The following PTPRN2 variants were observed in gnomAD, a reference collection of about 807,000 sequenced individuals.
The protein encoded by PTPRN2 is receptor-type tyrosine-protein phosphatase N2.
Under a neutral mutation model 118.8 loss-of-function variants are expected in PTPRN2, and 74 were observed. The ratio of observed to expected loss-of-function variants is 0.62; its 90% CI spans 0.52 to 0.76. The LOEUF is 0.76. PTPRN2 is among the 30% of genes least tolerant of loss of function. PTPRN2 has a pLI of 0.00. For synonymous variants in PTPRN2, 641 were observed against 608.0 expected, an observed-to-expected ratio of 1.05 and a Z score of -0.80; for missense variants, 1,481 against 1,394.4, an observed-to-expected ratio of 1.06 and a Z score of -0.99.
At chr7:158,297,138 G>A (rs1800559602) in intron 3 of PTPRN2, among the ~76,000 whole-genome samples, 1 of 152,248 alleles carries the variant, frequency 6.6e-6, no homozygotes, top group South Asian at 2.1e-4. Context: ...GGAGGGACCA[G>A]CACAGCACAT....
At chr7:158,292,284 C>T (rs1289956371) in intron 3 of PTPRN2, among the ~76,000 whole-genome samples, 1 of 152,186 alleles carries the variant, frequency 6.6e-6, no homozygotes, top group Non-Finnish European at 1.5e-5. Flanking sequence ...TGCCCCTATT[C>T]CAGGATGTTC....
At chr7:157,577,956 G>C in intron 18 of PTPRN2, 65 bp downstream of exon 18, 1 of 1,475,570 alleles carries the variant, frequency 6.8e-7, no homozygotes, top group Non-Finnish European at 9.1e-7. Context: ...CCCATTCGGA[G>C]GAGGAGCAGG....
chr7:158,389,995 ACG>A (rs1265018318), intron 2 of PTPRN2, among the ~76,000 whole-genome samples: 2 of 152,194 alleles, frequency 1.3e-5, no homozygotes, highest in Non-Finnish European at 2.9e-5. Flanking sequence ...CTCTGTAATG[ACG>A]CTGTTCACAT....
chr7:158,118,009 T>C lies in PTPRN2; in HGVS notation c.1557-7094A>G, dbSNP rs995855666. Among the ~76,000 whole-genome samples the C allele has an allele frequency of 2.6e-4, 40 of 152,166 alleles. 1 individual carries two copies. The highest frequency in any genetic ancestry group is 2.6e-3 in the Admixed American group (40 of 15,278). ...TAAAATCTCAATAAAGGCAAATATATGGTGAATTATAAAATATAGTATTAT... is the reference window on the plus strand; with the variant it reads ...TAAAATCTCAATAAAGGCAAATATACGGTGAATTATAAAATATAGTATTAT... On this transcript the variant is annotated intron_variant, in intron 9 of 22. Coordinates refer to ENST00000389418, the MANE Select transcript of PTPRN2 (RefSeq NM_002847.5).
At chr7:157,786,459 A>G (rs957504369) in intron 12 of PTPRN2, among the ~76,000 whole-genome samples, 2 of 152,216 alleles carry the variant, frequency 1.3e-5, no homozygotes, top group Non-Finnish European at 2.9e-5. Context: ...TCCCATTCAC[A>G]AAGCACTCCT....
At position 158,343,580 on chromosome 7, in the gene PTPRN2, G is replaced by A. The variant is rs143323001; in HGVS notation, c.164-26648C>T. The stretch of plus-strand genomic sequence containing the variant: ...CCCAATACCTGCAAGCAGGGCTCGC[G>A]CAGAGGCTCAGGCAGCCATGCTGGT... On this transcript the variant is annotated intron_variant, in intron 2 of 22. Coordinates refer to ENST00000389418, the MANE Select transcript of PTPRN2 (RefSeq NM_002847.5). Among the ~76,000 whole-genome samples, 295 of 149,258 alleles carry A rather than the reference G, an allele frequency of 2.0e-3. 3 individuals are homozygous for A. Among genetic ancestry groups the A allele is most frequent in the Admixed American group, 3.6e-3 (55 of 15,090 alleles).
At chr7:157,735,076 T>G (rs968031567) in intron 12 of PTPRN2, among the ~76,000 whole-genome samples, 1 of 152,196 alleles carries the variant, frequency 6.6e-6, no homozygotes, top group Admixed American at 6.5e-5. Context: ...CCTGGCCTGG[T>G]GGACCTGTCT....
At chr7:157,905,887 C>T (rs999401437) in intron 11 of PTPRN2, among the ~76,000 whole-genome samples, 1 of 152,170 alleles carries the variant, frequency 6.6e-6, no homozygotes, top group African/African-American at 2.4e-5. Flanking sequence ...ATCCTCCTCC[C>T]TTATGGGGTG....
intron 11 of PTPRN2, among the ~76,000 whole-genome samples, chr7:158,056,884 G>T (rs1809832072): frequency 6.6e-6 from 1 of 152,202 alleles, no homozygotes; most frequent in African/African-American, 2.4e-5. Context: ...GTGGAAGCAG[G>T]TGCAGCTGTG....
chr7:158,146,694 C>A lies in PTPRN2; in HGVS notation c.911-8179G>T, dbSNP rs200880707. On this transcript the variant is annotated intron_variant, in intron 6 of 22. Coordinates refer to ENST00000389418, the MANE Select transcript of PTPRN2 (RefSeq NM_002847.5). Reference sequence around the variant, plus strand: ...TGAGATCGCGCCACTGCACTCCAGCCTGGGCGACAGAGCGAGACTCTGCCT... The same window carrying A: ...TGAGATCGCGCCACTGCACTCCAGCATGGGCGACAGAGCGAGACTCTGCCT... 2.2e-3 allele frequency among the ~76,000 whole-genome samples: 320 copies of A among 145,224 alleles called. 9 individuals carry two copies. Among genetic ancestry groups the A allele is most frequent in the African/African-American group, 7.6e-3 (294 of 38,454 alleles).
chr7:158,135,068 C>T (rs1349463178), intron 8 of PTPRN2, among the ~76,000 whole-genome samples: 2 of 152,132 alleles, frequency 1.3e-5, no homozygotes, highest in Non-Finnish European at 2.9e-5. Flanking sequence ...AGGCAACCCA[C>T]GGACACCTCC....
Position 157,893,367 on chromosome 7 carries a change from C to T in PTPRN2, c.1788+5306G>A, listed in dbSNP as rs1422645091. Reference sequence around the variant, plus strand: ...GGTGAGCTCCTGCCTCTGCCCTCAGCCCCCACGGTCCCCCGCAGTCTAGGG... The same window carrying T: ...GGTGAGCTCCTGCCTCTGCCCTCAGTCCCCACGGTCCCCCGCAGTCTAGGG... On this transcript the variant is annotated intron_variant, in intron 12 of 22. Coordinates refer to ENST00000389418, the MANE Select transcript of PTPRN2 (RefSeq NM_002847.5). This position sits in a 1 kb window ranked among gnomAD's most constrained non-coding sequence, Gnocchi z 4.0. 6.6e-6 allele frequency among the ~76,000 whole-genome samples: 1 copy of T among 152,198 alleles called. No individual in the cohort carries two copies. The highest frequency in any genetic ancestry group is 2.4e-5 in the African/African-American group (1 of 41,442).
At chr7:158,103,754 G>A (rs1045927973) in intron 10 of PTPRN2, among the ~76,000 whole-genome samples, 1 of 152,152 alleles carries the variant, frequency 6.6e-6, no homozygotes, top group African/African-American at 2.4e-5. Context: ...TGGTGTCGGG[G>A]GCCACAGCAC....
At position 158,317,876 on chromosome 7, in the gene PTPRN2, C is replaced by A. The variant is rs554380622; in HGVS notation, c.164-944G>T. Among the ~76,000 whole-genome samples the A allele has an allele frequency of 5.3e-5, 8 of 152,338 alleles. No homozygotes were observed. In the South Asian group the frequency reaches 1.7e-3, roughly 32 times the overall value. On this transcript the variant is annotated intron_variant, in intron 2 of 22. Coordinates refer to ENST00000389418, the MANE Select transcript of PTPRN2 (RefSeq NM_002847.5). Reference sequence around the variant, plus strand: ...GCTGGTCTGATATTGCATATATGCTCACGACGACGGGGCCGGGTGATTAGC... The same window carrying A: ...GCTGGTCTGATATTGCATATATGCTAACGACGACGGGGCCGGGTGATTAGC...
intron 1 of PTPRN2, among the ~76,000 whole-genome samples, chr7:158,560,406 T>G (rs146837057): frequency 6.6e-6 from 1 of 152,238 alleles, no homozygotes; most frequent in Non-Finnish European, 1.5e-5. Flanking sequence ...CTTAGAGTAA[T>G]AGGCAAATGT....
chr7:157,759,676 G>A (rs1032257383), intron 12 of PTPRN2, among the ~76,000 whole-genome samples: 35 of 152,206 alleles, frequency 2.3e-4, no homozygotes, highest in African/African-American at 6.5e-4. Flanking sequence ...AATGATGTTG[G>A]TGTTCAGATC....
chr7:157,694,790 T>A (rs1294548907), intron 12 of PTPRN2, among the ~76,000 whole-genome samples: 2 of 151,998 alleles, frequency 1.3e-5, no homozygotes, highest in South Asian at 2.1e-4. Flanking sequence ...GGTCATGAGA[T>A]CTTAGACTTC....
Position 157,990,489 on chromosome 7 carries a change from A to T in PTPRN2, c.1723+90809T>A, listed in dbSNP as rs1804164102. 6.7e-6 allele frequency among the ~76,000 whole-genome samples: 1 copy of T among 149,920 alleles called. No individual in the cohort carries two copies. The highest frequency in any genetic ancestry group is 1.5e-5 in the Non-Finnish European group (1 of 67,390). ...ACCCTCTCCCCAAGGCTTGGGCCAC[A>T]CTCCATGCCACCATGCCCAACGGTC... On this transcript the variant is annotated intron_variant, in intron 11 of 22. Transcript: ENST00000389418. The surrounding 1 kb of genome is among the most constrained non-coding windows in gnomAD (Gnocchi z 4.3).
intron 2 of PTPRN2, among the ~76,000 whole-genome samples, chr7:158,412,736 A>AACATG: frequency 8.1e-6 from 1 of 123,928 alleles, no homozygotes; most frequent in Non-Finnish European, 1.7e-5. Flanking sequence ...CGCCCTCCTC[A>AACATG]GCACCAGGGC....
Sources: allele counts gnomAD v4.1 joint callset (sites outside exome capture counted in the v4.1 genomes callset), GRCh38; gene constraint gnomAD v4.1.1; non-coding constraint Gnocchi (gnomAD v3.1); transcripts MANE v1.5; gene names NCBI Gene and HGNC (gene_info 2026-07-23, HGNC 2026-07-21).